The following PLS3 variants were observed in gnomAD, a reference collection of about 807,000 sequenced individuals.
PLS3 encodes the protein plastin 3.
A neutral mutation model predicts 46.5 loss-of-function variants in PLS3; 11 were observed. That is an observed-to-expected ratio of 0.24 (90% confidence interval 0.15 to 0.39). The LOEUF (loss-of-function observed/expected upper bound fraction) is 0.39. PLS3 is among the 10% of genes least tolerant of loss of function. The pLI, the probability that PLS3 is intolerant of heterozygous loss-of-function variation, is 1.00. For missense variants in PLS3, 308 were observed against 461.8 expected (o/e 0.67, Z 3.05); for synonymous variants, 167 against 162.2 (o/e 1.03, Z -0.22).
chrX:115,562,790 G>A (rs948386759), intron 1 of PLS3: 1 of 107,126 alleles, frequency 9.3e-6, no homozygotes, highest in Non-Finnish European at 1.9e-5. Flanking sequence ...TTTAAAGCTG[G>A]AATGTAATGG....
intron 5 of PLS3, among the ~76,000 whole-genome samples, chrX:115,633,551 T>C (rs1451863752): frequency 3.6e-5 from 4 of 110,906 alleles, no homozygotes; most frequent in Non-Finnish European, 7.5e-5. Flanking sequence ...AGTGGAATGG[T>C]GTGATCGTAG....
At chrX:115,587,164 C>T in intron 1 of PLS3, among the ~76,000 whole-genome samples, 1 of 112,515 alleles carries the variant, frequency 8.9e-6, no homozygotes, top group Non-Finnish European at 1.9e-5. Context: ...TGGCCCCACA[C>T]TGTAGTGATA....
chrX:115,624,301 T>C (rs2074689453), intron 3 of PLS3: 1 of 110,647 alleles, frequency 9.0e-6, no homozygotes, highest in Non-Finnish European at 1.9e-5. Flanking sequence ...CCGTTTTCTT[T>C]TGAAATACTG....
At position 115,647,249 on chromosome X, in the gene PLS3, C is replaced by T. The variant is rs189238729; in HGVS notation, c.1512-301C>T. ...GGAGATCAAGACCATCCTGGCTACA[C>T]GGTGAAACCCTGTCCCTACTAAAAA... On this transcript the variant is annotated intron_variant, in intron 13 of 15. Transcript: ENST00000355899. Among the ~76,000 whole-genome samples the T allele has an allele frequency of 0.012, 1,251 of 108,326 alleles. 13 individuals carry two copies. The highest frequency in any genetic ancestry group is 0.04 in the African/African-American group (1,153 of 28,823). The allele number at this position is 108,326 out of a possible 115,157, so 94.1% of individuals were successfully genotyped here.
chrX:115,579,247 T>C (rs935468724), intron 1 of PLS3, among the ~76,000 whole-genome samples: 1 of 112,307 alleles, frequency 8.9e-6, no homozygotes, highest in Non-Finnish European at 1.9e-5. Context: ...TGTCAATACC[T>C]CGTTCCTTTT....
intron 1 of PLS3, chrX:115,562,553 G>A (rs2074145999): frequency 9.0e-6 from 1 of 111,670 alleles, no homozygotes; most frequent in African/African-American, 3.3e-5. Flanking sequence ...ATTGGGAGGA[G>A]GGAAGGGAGC....
At chrX:115,607,861 A>G (rs2074510045) in intron 1 of PLS3, among the ~76,000 whole-genome samples, 1 of 111,924 alleles carries the variant, frequency 8.9e-6, no homozygotes, top group Non-Finnish European at 1.9e-5. Flanking sequence ...ACATTATGGT[A>G]AAAACTTAGC....
chrX:115,629,261 G>A lies in PLS3; in HGVS notation c.301G>A (p.Glu101Lys). 8.3e-7 allele frequency: 1 copy of A among 1,201,011 alleles called. No homozygotes were observed. The highest frequency in any genetic ancestry group is 1.1e-6 in the Non-Finnish European group (1 of 885,885). The change falls in exon 4 of 16, where the codon GAA (glutamate) becomes AAA (lysine). Residue 101 changes from glutamate to lysine, a missense_variant. Around this residue, in one of 2 missense-constraint regions of PLS3, gnomAD observed 271 missense variants for 435.7 expected, o/e 0.62. Transcript: ENST00000355899. ...CTTCCGCAAAGCAATCAACAGGAAA[G>A]AAGGTATTTGTGCTCTGGGTGGAAC... is the stretch of plus-strand genomic sequence containing the variant. The part of the protein sequence containing the change: ...KTFRKAINRK[E>K]GICALGGTSE...
At chrX:115,569,627 A>T (rs2074200340) in intron 1 of PLS3, among the ~76,000 whole-genome samples, 1 of 111,997 alleles carries the variant, frequency 8.9e-6, no homozygotes, top group African/African-American at 3.2e-5. Flanking sequence ...ACTTGAATTT[A>T]CAAATATTTT....
At chrX:115,575,733 G>A (rs782662749) in intron 1 of PLS3, among the ~76,000 whole-genome samples, 5 of 110,836 alleles carry the variant, frequency 4.5e-5, no homozygotes, top group Non-Finnish European at 7.5e-5. Flanking sequence ...GTGAGCCACC[G>A]CGCCTGGCCT....
intron 2 of PLS3, among the ~76,000 whole-genome samples, chrX:115,620,867 T>A (rs781886568): frequency 9.3e-6 from 1 of 107,411 alleles, no homozygotes; most frequent in East Asian, 2.9e-4. Context: ...CTAATTTTTG[T>A]ATTTTTAGTG....
intron 10 of PLS3, among the ~76,000 whole-genome samples, chrX:115,643,926 C>T (rs1354043052): frequency 2.7e-5 from 3 of 111,483 alleles, no homozygotes; most frequent in Non-Finnish European, 5.7e-5. Context: ...GAGCCGAGAT[C>T]GCGCTATTGC....
At chrX:115,581,027 T>C (rs1309927558) in intron 1 of PLS3, among the ~76,000 whole-genome samples, 1 of 111,318 alleles carries the variant, frequency 9.0e-6, no homozygotes, top group Non-Finnish European at 1.9e-5. Flanking sequence ...TGAACCACCA[T>C]GCCCGGCCAG....
At chrX:115,610,805 C>G (rs1168887988) in intron 2 of PLS3, 10 of 963,028 alleles carry the variant, frequency 1.0e-5, no homozygotes, top group Non-Finnish European at 1.4e-5. Flanking sequence ...TACTGCAGAT[C>G]GTTCTACCTC....
At chrX:115,639,277 A>G (rs979936537) in intron 8 of PLS3, among the ~76,000 whole-genome samples, 1 of 111,957 alleles carries the variant, frequency 8.9e-6, no homozygotes, top group Non-Finnish European at 1.9e-5. Flanking sequence ...TATGCCCCCA[A>G]ATGATAGAAT....
chrX:115,606,566 GGACCTTTA>G (rs1420890981), intron 1 of PLS3, among the ~76,000 whole-genome samples: 1 of 111,441 alleles, frequency 9.0e-6, no homozygotes, highest in Admixed American at 9.6e-5. Flanking sequence ...AAACTGGAAA[GGACCTTTA>G]GAGATAAAGG....
At chrX:115,586,537 T>C (rs1278160597) in intron 1 of PLS3, among the ~76,000 whole-genome samples, 1 of 100,600 alleles carries the variant, frequency 9.9e-6, no homozygotes, top group Non-Finnish European at 2.0e-5. Context: ...AAAATAGCCA[T>C]GTGTGGTGGC....
chrX:115,608,292 A>T (rs1260084030), intron 1 of PLS3, among the ~76,000 whole-genome samples: 2 of 112,186 alleles, frequency 1.8e-5, no homozygotes, highest in African/African-American at 6.5e-5. Flanking sequence ...GTTGCCTTTT[A>T]ATAAAATGTC....
intron 8 of PLS3, chrX:115,640,049 C>T (rs2074879081): frequency 3.4e-6 from 3 of 877,432 alleles, no homozygotes; most frequent in East Asian, 3.4e-5. Context: ...TTTTCTCTTT[C>T]TTCTATGCTT....
Sources: allele counts gnomAD v4.1 joint callset (sites outside exome capture counted in the v4.1 genomes callset), GRCh38; gene constraint gnomAD v4.1.1; regional missense constraint gnomAD v4.1.1; transcripts MANE v1.5; gene names NCBI Gene and HGNC (gene_info 2026-07-23, HGNC 2026-07-21).